The following IKZF2 variants were observed in gnomAD, a reference collection of about 807,000 sequenced individuals.
IKZF2 encodes zinc finger protein Helios.
In IKZF2, 15 loss-of-function variants were observed where a neutral mutation model predicts 49.2. The observed-to-expected ratio is 0.30, with a 90% confidence interval of 0.20 to 0.47. The LOEUF is 0.47. Among genes scored for constraint, IKZF2 ranks in the 20% least tolerant of loss-of-function variants. The pLI is 1.00. For missense variants in IKZF2, 567 were observed against 664.6 expected, an observed-to-expected ratio of 0.85 and a Z score of 1.61; for synonymous variants, 227 against 221.4, an observed-to-expected ratio of 1.03 and a Z score of -0.23.
chr2:213,126,210 A>C (rs1443086628), intron 4 of IKZF2, among the ~76,000 whole-genome samples: 1 of 152,210 alleles, frequency 6.6e-6, no homozygotes, highest in East Asian at 1.9e-4. Flanking sequence ...CTATCATGCC[A>C]TAACACCAAA....
chr2:213,025,590 A>G lies in IKZF2; in HGVS notation c.575-3460T>C, dbSNP rs143631032. The stretch of plus-strand genomic sequence containing the variant: ...TTTTACTCAATTTTAAATTGATAAT[A>G]CATATCGAGTTATTAAACACAGGAG... On this transcript the variant is annotated intron_variant, in intron 6 of 8. Coordinates refer to ENST00000434687, the MANE Select transcript of IKZF2 (RefSeq NM_001387220.1). Among the ~76,000 whole-genome samples the G allele has an allele frequency of 2.6e-3, 392 of 152,272 alleles. 2 individuals are homozygous for G. Among genetic ancestry groups the G allele is most frequent in the Non-Finnish European group, 3.4e-3 (232 of 67,994 alleles).
At chr2:213,129,397 C>A (rs1198775115) in intron 4 of IKZF2, among the ~76,000 whole-genome samples, 1 of 149,402 alleles carries the variant, frequency 6.7e-6, no homozygotes, top group African/African-American at 2.5e-5. Flanking sequence ...GGCTTTCATG[C>A]AAAACAAGGA....
chr2:213,032,752 T>C (rs141195064), intron 6 of IKZF2, among the ~76,000 whole-genome samples: 1 of 152,302 alleles, frequency 6.6e-6, no homozygotes, highest in African/African-American at 2.4e-5. Context: ...AAAGATAATC[T>C]GAGCCTTCAG....
At chr2:213,135,617 C>T (rs1393703395) in intron 4 of IKZF2, among the ~76,000 whole-genome samples, 2 of 150,132 alleles carry the variant, frequency 1.3e-5, no homozygotes. Flanking sequence ...CCCAGGAGTT[C>T]CAGGCTGCAC....
intron 4 of IKZF2, among the ~76,000 whole-genome samples, chr2:213,070,776 A>T (rs1702615454): frequency 6.6e-6 from 1 of 152,114 alleles, no homozygotes; most frequent in Non-Finnish European, 1.5e-5. Flanking sequence ...AAAGGAAAAG[A>T]CAGGAGAGTC....
At chr2:213,038,971 G>T (rs1699334578) in intron 6 of IKZF2, among the ~76,000 whole-genome samples, 1 of 151,652 alleles carries the variant, frequency 6.6e-6, no homozygotes, top group African/African-American at 2.4e-5. Flanking sequence ...TATGGTCAAA[G>T]ATGAGCTCCA....
At position 213,111,725 on chromosome 2, in the gene IKZF2, A is replaced by G. The variant is rs563398366; in HGVS notation, c.139+35983T>C. ...ACTCACATACATACATTTGATCACT[A>G]TGAAGAAGTTTCCCTTTATTTCTGT... On this transcript the variant is annotated intron_variant, in intron 4 of 8. Transcript: ENST00000434687. Among the ~76,000 whole-genome samples, 15 of 152,232 alleles carry G rather than the reference A, an allele frequency of 9.9e-5. No individual in the cohort carries two copies. In the South Asian group the frequency reaches 3.1e-3, roughly 32 times the overall value.
Position 213,109,663 on chromosome 2 carries a change from T to C in IKZF2, c.139+38045A>G, listed in dbSNP as rs185771064. Among the ~76,000 whole-genome samples, 48 of 152,186 alleles carry C rather than the reference T, an allele frequency of 3.2e-4. No individual in the cohort carries two copies. The Middle Eastern group carries it at 0.014, about 43-fold the overall frequency. On this transcript the variant is annotated intron_variant, in intron 4 of 8. Transcript: ENST00000434687. ...CTATATATTTATATTAACTGTACTA[T>C]GACCACTAATGAAAATAAATTCCTA...
chr2:213,067,355 AC>A (rs1371274848), intron 4 of IKZF2, among the ~76,000 whole-genome samples: 1 of 152,072 alleles, frequency 6.6e-6, no homozygotes, highest in African/African-American at 2.4e-5. Context: ...GTAAAATAGT[AC>A]TAAAAGTTGG....
intron 6 of IKZF2, among the ~76,000 whole-genome samples, chr2:213,027,729 C>T (rs1697974103): frequency 6.6e-6 from 1 of 152,008 alleles, no homozygotes; most frequent in African/African-American, 2.4e-5. Context: ...CTTTTTTTCA[C>T]TGGGCTACTA....
intron 8 of IKZF2, 69 bp downstream of exon 8, chr2:213,013,719 CTAA>C: frequency 2.3e-6 from 3 of 1,332,828 alleles, no homozygotes; most frequent in Non-Finnish European, 3.1e-6. Context: ...ATATATATTT[CTAA>C]TACATGGGAA....
At chr2:213,031,909 T>G (rs1450606861) in intron 6 of IKZF2, among the ~76,000 whole-genome samples, 1 of 152,194 alleles carries the variant, frequency 6.6e-6, no homozygotes, top group Non-Finnish European at 1.5e-5. Flanking sequence ...ATAAACATTA[T>G]ATTCAAAAAC....
intron 4 of IKZF2, among the ~76,000 whole-genome samples, chr2:213,132,828 G>T (rs1273735430): frequency 1.3e-5 from 2 of 152,134 alleles, no homozygotes; most frequent in African/African-American, 2.4e-5. Flanking sequence ...AACAGAGTAG[G>T]TTTATGTGTG....
intron 6 of IKZF2, among the ~76,000 whole-genome samples, chr2:213,035,320 C>A (rs979853901): frequency 6.6e-6 from 1 of 152,020 alleles, no homozygotes; most frequent in African/African-American, 2.4e-5. Context: ...GATTCTTGCC[C>A]GTCTCCCCTT....
intron 6 of IKZF2, among the ~76,000 whole-genome samples, chr2:213,039,056 T>C (rs911964675): frequency 1.3e-5 from 2 of 152,058 alleles, no homozygotes; most frequent in Non-Finnish European, 2.9e-5. Flanking sequence ...GACCATCTTG[T>C]CTTACCAGTT....
intron 4 of IKZF2, among the ~76,000 whole-genome samples, chr2:213,076,496 C>G (rs1296982343): frequency 6.6e-6 from 1 of 152,142 alleles, no homozygotes; most frequent in African/African-American, 2.4e-5. Flanking sequence ...CTATCTTCAG[C>G]AGTTGTACTT....
intron 6 of IKZF2, among the ~76,000 whole-genome samples, chr2:213,044,693 T>C (rs1406773874): frequency 6.6e-6 from 1 of 152,068 alleles, no homozygotes; most frequent in African/African-American, 2.4e-5. Flanking sequence ...ACAAACTGAG[T>C]GCCTGGAATA....
At chr2:213,026,369 G>A (rs1697823713) in intron 6 of IKZF2, among the ~76,000 whole-genome samples, 2 of 151,980 alleles carry the variant, frequency 1.3e-5, no homozygotes, top group African/African-American at 2.4e-5. Context: ...TATATTATCT[G>A]TGACTTTTAT....
chr2:213,026,936 A>C (rs1697880805), intron 6 of IKZF2, among the ~76,000 whole-genome samples: 1 of 151,980 alleles, frequency 6.6e-6, no homozygotes, highest in Admixed American at 6.6e-5. Flanking sequence ...TATTACGTTA[A>C]TGATTATTTT....
Sources: gnomAD v4.1 joint callset for allele counts (sites outside exome capture counted in the v4.1 genomes callset) on GRCh38, gnomAD v4.1.1 for gene constraint, MANE v1.5 for transcripts, NCBI Gene and HGNC (gene_info 2026-07-23, HGNC 2026-07-21) for gene names.